Variants in THSD7B observed in about 807,000 individuals in gnomAD.
THSD7B encodes the protein thrombospondin type 1 domain containing 7B.
A neutral mutation model predicts 213.6 loss-of-function variants in THSD7B; 138 were observed. That is an observed-to-expected ratio of 0.65 (90% confidence interval 0.56 to 0.74). THSD7B has a LOEUF of 0.74. Ranked by LOEUF, THSD7B falls within the 30% of genes least tolerant of loss-of-function variation. The pLI, the probability that THSD7B is intolerant of heterozygous loss-of-function variation, is 0.00. For synonymous variants in THSD7B, 742 were observed against 687.0 expected (o/e 1.08, Z -1.25); for missense variants, 1,931 against 1,991.5 (o/e 0.97, Z 0.58).
At chr2:137,430,849 G>A (rs1687164633) in intron 14 of THSD7B, among the ~76,000 whole-genome samples, 1 of 152,118 alleles carries the variant, frequency 6.6e-6, no homozygotes, top group African/African-American at 2.4e-5. Flanking sequence ...CCAGAGGTGC[G>A]GAAACACAGA....
chr2:137,071,066 G>C (rs1247815674), intron 3 of THSD7B, among the ~76,000 whole-genome samples: 4 of 152,078 alleles, frequency 2.6e-5, no homozygotes, highest in African/African-American at 7.2e-5. Flanking sequence ...ATAATCCTTT[G>C]GGTATATACC....
At position 137,639,582 on chromosome 2, in the gene THSD7B, G is replaced by A. The variant is rs568528339; in HGVS notation, c.3800-2906G>A. Among the ~76,000 whole-genome samples the A allele has an allele frequency of 2.6e-5, 4 of 152,216 alleles. No homozygotes were observed. In the South Asian group the frequency reaches 6.2e-4, roughly 24 times the overall value. ...GGTAGACCCACTGACAGCTTGCACC[G>A]TGTGCCTGGAAAACCTGCAGACACT... On this transcript the variant is annotated intron_variant, in intron 20 of 27. Transcript: ENST00000409968.
intron 2 of THSD7B, among the ~76,000 whole-genome samples, chr2:136,954,631 G>A (rs532731131): frequency 6.7e-6 from 1 of 149,836 alleles, no homozygotes; most frequent in East Asian, 2.0e-4. Flanking sequence ...CAGGAGAATG[G>A]TGTGAACCCC....
chr2:137,013,431 G>A (rs1235672992), intron 2 of THSD7B, among the ~76,000 whole-genome samples: 1 of 152,154 alleles, frequency 6.6e-6, no homozygotes, highest in Non-Finnish European at 1.5e-5. Context: ...AGACTCTGGG[G>A]AGATCAAGGC....
intron 7 of THSD7B, among the ~76,000 whole-genome samples, chr2:137,216,160 G>C (rs997181847): frequency 6.6e-5 from 10 of 151,974 alleles, no homozygotes; most frequent in African/African-American, 2.4e-4. Flanking sequence ...TTAAAATATA[G>C]ATTAATACTG....
Position 137,056,886 on chromosome 2 carries a change from A to G in THSD7B, c.606A>G (p.Arg202=), listed in dbSNP as rs1446249826. The change falls in exon 3 of 28, where the codon AGA becomes AGG. Residue 202 remains arginine, a synonymous_variant. Coordinates refer to ENST00000409968, the MANE Select transcript of THSD7B (RefSeq NM_001316349.2). Reference sequence around the variant, plus strand: ...GATGTGGGAAGAAATTGCAGCATAGAACTCGCGCGGTCATAGCTCCCCCTC... The same window carrying G: ...GATGTGGGAAGAAATTGCAGCATAGGACTCGCGCGGTCATAGCTCCCCCTC... ...SKGCGKKLQH[R]TRAVIAPPLF... 1 of 1,613,876 alleles carries G rather than the reference A, an allele frequency of 6.2e-7. No homozygotes were observed. The highest frequency in any genetic ancestry group is 1.3e-5 in the African/African-American group (1 of 75,024).
At chr2:137,648,370 C>A (rs1683076690) in intron 21 of THSD7B, among the ~76,000 whole-genome samples, 1 of 145,654 alleles carries the variant, frequency 6.9e-6, no homozygotes, top group African/African-American at 2.6e-5. Context: ...AACCTGTCTT[C>A]ATCTCCCCCC....
intron 1 of THSD7B, among the ~76,000 whole-genome samples, chr2:136,790,160 A>G (rs1173796217): frequency 6.6e-6 from 1 of 151,096 alleles, no homozygotes; most frequent in Admixed American, 6.6e-5. Flanking sequence ...TGTGTTTATT[A>G]TACATTCTAC....
chr2:137,169,429 G>A (rs1680199672), intron 6 of THSD7B, among the ~76,000 whole-genome samples: 1 of 151,694 alleles, frequency 6.6e-6, no homozygotes, highest in Non-Finnish European at 1.5e-5. Flanking sequence ...TATACCTTGA[G>A]GTGTGTAACT....
chr2:136,926,716 A>C (rs894175597), intron 2 of THSD7B, among the ~76,000 whole-genome samples: 10 of 142,694 alleles, frequency 7.0e-5, no homozygotes, highest in East Asian at 2.1e-4. Flanking sequence ...AAAAAAAAAA[A>C]CACAAAAAAC....
In THSD7B at chr2:137,334,904, C is replaced by A. The variant is rs1203924477; in HGVS notation, c.2500+58878C>A. On this transcript the variant is annotated intron_variant, in intron 12 of 27. Transcript: ENST00000409968. ...GCTGTTCTCATGATAATGAGTGAATCTGATGAGATCTGATGGTTTTATAAG... is the reference window on the plus strand; with the variant it reads ...GCTGTTCTCATGATAATGAGTGAATATGATGAGATCTGATGGTTTTATAAG... Among the ~76,000 whole-genome samples, 5 of 152,226 alleles carry A rather than the reference C, an allele frequency of 3.3e-5. No individual in the cohort carries two copies. In the East Asian group the frequency reaches 9.7e-4, roughly 29 times the overall value.
intron 10 of THSD7B, among the ~76,000 whole-genome samples, chr2:137,252,710 T>A (rs1423809768): frequency 1.3e-5 from 2 of 152,090 alleles, no homozygotes; most frequent in Non-Finnish European, 2.9e-5. Flanking sequence ...TGCACAAAGG[T>A]GGCAGAGAAT....
intron 10 of THSD7B, among the ~76,000 whole-genome samples, chr2:137,268,712 C>T (rs571363723): frequency 6.6e-6 from 1 of 152,218 alleles, no homozygotes; most frequent in East Asian, 1.9e-4. Flanking sequence ...ATGCTGACCT[C>T]CTATCTCAGC....
At chr2:137,610,349 G>A (rs1386376163) in intron 17 of THSD7B, among the ~76,000 whole-genome samples, 1 of 152,090 alleles carries the variant, frequency 6.6e-6, no homozygotes, top group African/African-American at 2.4e-5. Context: ...GACTTTTCTA[G>A]TATTGAGAGT....
intron 10 of THSD7B, among the ~76,000 whole-genome samples, 193 bp downstream of exon 10, chr2:137,242,765 A>T (rs551629769): frequency 6.6e-6 from 1 of 152,258 alleles, no homozygotes; most frequent in Admixed American, 6.5e-5. Context: ...AAGAGAAAAC[A>T]TATTTTCTTA....
chr2:137,053,590 G>A (rs1687108101), intron 2 of THSD7B, among the ~76,000 whole-genome samples: 1 of 151,724 alleles, frequency 6.6e-6, no homozygotes, highest in South Asian at 2.1e-4. Context: ...AAAAAAAAGA[G>A]AATGTCATAG....
At chr2:136,918,558 C>T (rs1433286909) in intron 2 of THSD7B, among the ~76,000 whole-genome samples, 1 of 152,084 alleles carries the variant, frequency 6.6e-6, no homozygotes, top group Non-Finnish European at 1.5e-5. Flanking sequence ...ATGACAGATT[C>T]CTGAAGGTAA....
At chr2:136,989,149 G>C (rs1402929802) in intron 2 of THSD7B, among the ~76,000 whole-genome samples, 6 of 152,214 alleles carry the variant, frequency 3.9e-5, no homozygotes, top group African/African-American at 1.4e-4. Context: ...GAATTTGTTA[G>C]ATGGGTATTC....
chr2:137,325,879 G>A (rs149910096), intron 12 of THSD7B, among the ~76,000 whole-genome samples: 1,927 of 152,186 alleles, frequency 0.013, 37 homozygotes, highest in Middle Eastern at 0.1. Flanking sequence ...CTGGTTTTCC[G>A]TTGGCTTCAC....
Sources: allele counts gnomAD v4.1 joint callset (sites outside exome capture counted in the v4.1 genomes callset), GRCh38; gene constraint gnomAD v4.1.1; transcripts MANE v1.5; gene names NCBI Gene and HGNC (gene_info 2026-07-23, HGNC 2026-07-21).